PEX14: variants seen among roughly 807,000 people sequenced by gnomAD.
PEX14 encodes the protein peroxisomal biogenesis factor 14.
In PEX14, 15 loss-of-function variants were observed where a neutral mutation model predicts 49.5. The observed-to-expected ratio is 0.30, with a 90% CI of 0.20 to 0.47. PEX14 has a LOEUF of 0.47. Ranked by LOEUF, PEX14 falls within the 20% of genes least tolerant of loss-of-function variation. PEX14 has a pLI of 1.00. For missense variants in PEX14, 398 were observed against 494.8 expected (o/e 0.80, Z 1.86); for synonymous variants, 210 against 212.7 (o/e 0.99, Z 0.11).
At chr1:10,556,078 C>A (rs1208303077) in intron 3 of PEX14, among the ~76,000 whole-genome samples, 1 of 152,114 alleles carries the variant, frequency 6.6e-6, no homozygotes, top group Non-Finnish European at 1.5e-5. Flanking sequence ...AGAGGCCTGC[C>A]ACTGAAACCG....
At chr1:10,532,565 C>T (rs956495557) in intron 2 of PEX14, among the ~76,000 whole-genome samples, 3 of 152,162 alleles carry the variant, frequency 2.0e-5, no homozygotes, top group Non-Finnish European at 4.4e-5. Context: ...CAAGCAGCTT[C>T]GACGGCGGCA....
chr1:10,577,529 CATATATAT>C (rs1312391529), intron 3 of PEX14, among the ~76,000 whole-genome samples: 2,734 of 42,928 alleles, frequency 0.064, 201 homozygotes, highest in African/African-American at 0.098. Context: ...GGACACTATA[CATATATAT>C]ATATATATAT....
chr1:10,630,403 AG>A lies in PEX14; in HGVS notation c.*418del. ...CTGCCTCCCGACTCCTCAGTGGAGG[AG>A]GAGCTGCGGTCCCTCTGGTGTCTGC... On this transcript the variant is annotated 3_prime_UTR_variant, in exon 9 of 9. Transcript: ENST00000356607. The surrounding 1 kb of genome is among the most constrained non-coding windows in gnomAD (Gnocchi z 4.1). 9.6e-6 allele frequency: 2 copies of A among 208,788 alleles called. No individual in the cohort carries two copies. The highest frequency in any genetic ancestry group is 2.0e-5 in the Non-Finnish European group (2 of 102,406). 12.9% of individuals were successfully genotyped at this position (208,788 alleles called of 1,614,324 possible). A position where few individuals can be genotyped will look rare whatever the true frequency, so the allele number is the denominator to read the frequency against.
intron 1 of PEX14, among the ~76,000 whole-genome samples, chr1:10,480,840 T>G (rs1019858958): frequency 7.5e-6 from 1 of 133,294 alleles, no homozygotes; most frequent in African/African-American, 3.4e-5. Flanking sequence ...TCTCTCTCTC[T>G]TTCTCTCTCT....
In PEX14 at chr1:10,589,200, A is replaced by G. The variant is rs12086190; in HGVS notation, c.170-10038A>G. On this transcript the variant is annotated intron_variant, in intron 3 of 8. Transcript: ENST00000356607. Reference sequence around the variant, plus strand: ...AAACAGATCTTTGGTTTAATACCAGACGACATAGTCTGCATTGCATGTGAG... The same window carrying G: ...AAACAGATCTTTGGTTTAATACCAGGCGACATAGTCTGCATTGCATGTGAG... 5.9e-3 allele frequency among the ~76,000 whole-genome samples: 893 copies of G among 152,320 alleles called. 10 individuals carry two copies. Among genetic ancestry groups the G allele is most frequent in the African/African-American group, 0.02 (830 of 41,570 alleles).
chr1:10,559,563 G>A (rs771328958), intron 3 of PEX14, among the ~76,000 whole-genome samples: 81 of 152,172 alleles, frequency 5.3e-4, no homozygotes, highest in Non-Finnish European at 1.1e-3. Context: ...ATGGTGCGGG[G>A]GCTGGCGGTC....
intron 3 of PEX14, among the ~76,000 whole-genome samples, chr1:10,557,245 C>T (rs765755093): frequency 6.6e-6 from 1 of 152,108 alleles, no homozygotes; most frequent in Non-Finnish European, 1.5e-5. Flanking sequence ...CTTTAAGTAT[C>T]CTTGGGAAAT....
intron 5 of PEX14, 85 bp downstream of exon 5, chr1:10,618,502 G>C: frequency 9.7e-7 from 1 of 1,035,550 alleles, no homozygotes; most frequent in Admixed American, 1.7e-5. Flanking sequence ...CCTGCATGGA[G>C]GCACTGCCGT....
intron 3 of PEX14, among the ~76,000 whole-genome samples, chr1:10,588,804 C>G (rs116344610): frequency 2.0e-5 from 3 of 151,698 alleles, no homozygotes; most frequent in Non-Finnish European, 2.9e-5. Flanking sequence ...AAAGAGAAGC[C>G]GTAAAGTGCT....
chr1:10,545,522 C>G (rs1404735123), intron 3 of PEX14, among the ~76,000 whole-genome samples: 1 of 152,168 alleles, frequency 6.6e-6, no homozygotes, highest in African/African-American at 2.4e-5. Context: ...AGTAATGAAG[C>G]CACTTGACTT....
intron 2 of PEX14, among the ~76,000 whole-genome samples, chr1:10,509,700 G>A (rs1038321860): frequency 1.3e-5 from 2 of 152,136 alleles, no homozygotes; most frequent in African/African-American, 4.8e-5. Context: ...TTGGTTTAAT[G>A]TACAATTGAT....
At chr1:10,552,411 C>T (rs1373347946) in intron 3 of PEX14, among the ~76,000 whole-genome samples, 1 of 152,214 alleles carries the variant, frequency 6.6e-6, no homozygotes, top group Non-Finnish European at 1.5e-5. Flanking sequence ...CATTGTACTC[C>T]AGCCTGGGCA....
intron 1 of PEX14, among the ~76,000 whole-genome samples, chr1:10,488,492 C>T (rs1641411706): frequency 6.6e-6 from 1 of 151,462 alleles, no homozygotes; most frequent in African/African-American, 2.4e-5. Flanking sequence ...CTTTTCATGT[C>T]TAGAAATTCT....
chr1:10,573,136 A>G (rs1038483099), intron 3 of PEX14, among the ~76,000 whole-genome samples: 3 of 152,220 alleles, frequency 2.0e-5, no homozygotes, highest in Admixed American at 1.3e-4. Flanking sequence ...CTATAATCTT[A>G]TGGGACTACC....
chr1:10,558,746 A>AG (rs1220603555), intron 3 of PEX14, among the ~76,000 whole-genome samples: 3 of 141,622 alleles, frequency 2.1e-5, no homozygotes, highest in Admixed American at 6.7e-5. Context: ...CAAAAAAAAA[A>AG]AAAAAAAAAA....
chr1:10,533,154 A>G (rs1638697848), intron 2 of PEX14, among the ~76,000 whole-genome samples: 1 of 152,082 alleles, frequency 6.6e-6, no homozygotes, highest in South Asian at 2.1e-4. Context: ...ACATGTAGCC[A>G]CTTCTCAGGG....
In PEX14 at chr1:10,587,920, T is replaced by TTTTA. The variant is rs1453146872; in HGVS notation, c.170-11318_170-11317insTTTA. On this transcript the variant is annotated intron_variant, in intron 3 of 8. Transcript: ENST00000356607. ...CTTTTTTTTTTTTTTTTTTTTTTTT[T>TTTTA]AAAAAAAAAAGAGATGGAGTCTTGG... Among the ~76,000 whole-genome samples the TTTTA allele has an allele frequency of 9.7e-3, 624 of 64,080 alleles. 18 individuals are homozygous for TTTTA. The highest frequency in any genetic ancestry group is 0.04 in the African/African-American group (593 of 14,982). The allele number at this position is 64,080 out of a possible 152,430, so 42.0% of individuals were successfully genotyped here.
chr1:10,492,739 A>G (rs1641492642), intron 1 of PEX14, among the ~76,000 whole-genome samples: 1 of 152,168 alleles, frequency 6.6e-6, no homozygotes, highest in Admixed American at 6.5e-5. Flanking sequence ...TCATTCAGCA[A>G]ATTTCTATTG....
chr1:10,528,006 G>C (rs1042438870), intron 2 of PEX14, among the ~76,000 whole-genome samples: 1 of 152,210 alleles, frequency 6.6e-6, no homozygotes, highest in African/African-American at 2.4e-5. Flanking sequence ...GAAGGTTTTA[G>C]TTTTGTGCAG....
Sources: allele counts gnomAD v4.1 joint callset (sites outside exome capture counted in the v4.1 genomes callset), GRCh38; gene constraint gnomAD v4.1.1; non-coding constraint Gnocchi (gnomAD v3.1); transcripts MANE v1.5; gene names NCBI Gene and HGNC (gene_info 2026-07-23, HGNC 2026-07-21).